ASS1: variants seen among roughly 807,000 people sequenced by gnomAD.
ASS1 encodes argininosuccinate synthase 1, also known as argininosuccinate synthase.
ASS1 carries 58 observed loss-of-function variants against 60.5 expected under a neutral mutation model. That is an observed-to-expected ratio of 0.96 (90% confidence interval 0.78 to 1.19). ASS1 has a LOEUF of 1.19. ASS1 is among the 50% of genes most tolerant of loss of function. The probability of loss-of-function intolerance (pLI) is 0.00; values close to 1 mark genes in which losing one functional copy is unlikely to be tolerated. For missense variants in ASS1, 454 were observed against 547.3 expected, an observed-to-expected ratio of 0.83 and a Z score of 1.70; for synonymous variants, 200 against 206.9, an observed-to-expected ratio of 0.97 and a Z score of 0.29.
At chr9:130,475,970 G>C (rs1326367167) in intron 8 of ASS1, among the ~76,000 whole-genome samples, 1 of 152,138 alleles carries the variant, frequency 6.6e-6, no homozygotes, top group Non-Finnish European at 1.5e-5. Context: ...CGTTGCCCAG[G>C]CTGGTGTCGA....
At chr9:130,500,611 C>G (rs971458934) in intron 14 of ASS1, among the ~76,000 whole-genome samples, 3 of 152,072 alleles carry the variant, frequency 2.0e-5, no homozygotes, top group Admixed American at 2.0e-4. Context: ...CCTTCCCCTC[C>G]GTCACCTCCA....
At chr9:130,453,228 C>T (rs1028766822) in intron 2 of ASS1, among the ~76,000 whole-genome samples, 11 of 152,206 alleles carry the variant, frequency 7.2e-5, no homozygotes, top group Admixed American at 1.3e-4. Flanking sequence ...TCATGGGGTG[C>T]GAGGCTTGGG....
chr9:130,489,594 T>A lies in ASS1; in HGVS notation c.970+130T>A. ...CCCCTGCCGCCCACTGCCATCCTCA[T>A]GTGAGACCCCAAAAGGTGCAGGCCA... On this transcript the variant is annotated intron_variant, in intron 12 of 14. Coordinates refer to ENST00000352480, the MANE Select transcript of ASS1 (RefSeq NM_054012.4). The surrounding 1 kb of genome is among the most constrained non-coding windows in gnomAD (Gnocchi z 4.1). The A allele has an allele frequency of 6.8e-7, 1 of 1,470,440 alleles. No homozygotes were observed. The highest frequency in any genetic ancestry group is 9.4e-7 in the Non-Finnish European group (1 of 1,061,190). 91.1% of individuals were successfully genotyped at this position (1,470,440 alleles called of 1,614,324 possible). A position where few individuals can be genotyped will look rare whatever the true frequency, so the allele number is the denominator to read the frequency against.
intron 1 of ASS1, 51 bp downstream of exon 1, chr9:130,445,046 C>A (rs1283244535): frequency 4.6e-6 from 3 of 653,344 alleles, no homozygotes; most frequent in East Asian, 2.7e-4. Flanking sequence ...CGAGAGCACC[C>A]GCTTCCCGGG....
Position 130,494,744 on chromosome 9 carries a change from G to A in ASS1, c.971-123G>A, listed in dbSNP as rs565702170. On this transcript the variant is annotated intron_variant, in intron 12 of 14. Transcript: ENST00000352480. The surrounding 1 kb of genome is among the most constrained non-coding windows in gnomAD (Gnocchi z 4.3). ...CAAGCGCACATTGTGCCAGTCTCGC[G>A]GGAGGCAGTCATGGTCTGCATGGCG... The A allele has an allele frequency of 6.0e-5, 78 of 1,289,516 alleles. No individual in the cohort carries two copies. The highest frequency in any genetic ancestry group is 2.2e-4 in the Admixed American group (12 of 55,190). The allele number at this position is 1,289,516 out of a possible 1,614,324, so 79.9% of individuals were successfully genotyped here.
In ASS1 at chr9:130,459,764, T is replaced by G. The variant is rs1030688389; in HGVS notation, c.363+1175T>G. ...CTTGGTTATTTCTGTTAAGACCACA[T>G]GAGGCCACATTCGGAGGGACTGGGG... On this transcript the variant is annotated intron_variant, in intron 4 of 14. Coordinates refer to ENST00000352480, the MANE Select transcript of ASS1 (RefSeq NM_054012.4). The surrounding 1 kb of genome is among the most constrained non-coding windows in gnomAD (Gnocchi z 4.6). Among the ~76,000 whole-genome samples, 3 of 152,208 alleles carry G rather than the reference T, an allele frequency of 2.0e-5. No homozygotes were observed. The highest frequency in any genetic ancestry group is 1.5e-5 in the Non-Finnish European group (1 of 68,038).
In ASS1 at chr9:130,452,331, C is replaced by T. The variant is rs532327473; in HGVS notation, c.103C>T (p.Leu35=). Residue 35 remains leucine, a splice_region_variant and synonymous_variant, in exon 2 of 15, where the codon CTG becomes TTG. Transcript: ENST00000352480. ...ACAAGGCTATGACGTCATTGCCTAT[C>T]TGGTGAGGGAGCGACCTGGGTGTCT... ...KEQGYDVIAY[L]ANIGQKEDFE... 1 of 1,613,590 alleles carries T rather than the reference C, an allele frequency of 6.2e-7. No homozygotes were observed. Among genetic ancestry groups the T allele is most frequent in the African/African-American group, 1.3e-5 (1 of 75,034 alleles).
intron 4 of ASS1, among the ~76,000 whole-genome samples, chr9:130,461,333 C>G (rs533482212): frequency 2.6e-5 from 4 of 152,340 alleles, no homozygotes; most frequent in Admixed American, 6.5e-5. Context: ...CGCCCCTCCT[C>G]CATGTGGCCA....
In ASS1 at chr9:130,459,138, A is replaced by G. The variant is rs959180996; in HGVS notation, c.363+549A>G. On this transcript the variant is annotated intron_variant, in intron 4 of 14. Coordinates refer to ENST00000352480, the MANE Select transcript of ASS1 (RefSeq NM_054012.4). The surrounding 1 kb of genome is among the most constrained non-coding windows in gnomAD (Gnocchi z 4.6). The stretch of plus-strand genomic sequence containing the variant: ...TTAGAACACAGAACTGTTCTGCCTC[A>G]TGGTTCTGGAGGCCTGAGGTCCATA... Among the ~76,000 whole-genome samples the G allele has an allele frequency of 6.6e-6, 1 of 152,122 alleles. No individual in the cohort carries two copies.
intron 9 of ASS1, 140 bp from the exon 10 acceptor site, chr9:130,479,576 C>A: frequency 1.3e-6 from 1 of 744,342 alleles, no homozygotes. Flanking sequence ...CTGCACAGGG[C>A]TTTTGAAGGA....
At chr9:130,448,422 G>GCC (rs71387350) in intron 1 of ASS1, among the ~76,000 whole-genome samples, 1 of 143,296 alleles carries the variant, frequency 7.0e-6, no homozygotes, top group African/African-American at 2.8e-5. Context: ...GTGTGCGCGC[G>GCC]CACACACACA....
At chr9:130,479,938 G>A (rs556581087) in intron 10 of ASS1, 138 bp downstream of exon 10, 7 of 1,031,154 alleles carry the variant, frequency 6.8e-6, no homozygotes, top group Admixed American at 3.4e-5. Flanking sequence ...CATAGCCACA[G>A]AGTTTCCCGG....
chr9:130,476,790 T>A lies in ASS1; in HGVS notation c.598-81T>A. ...TGGGGAAATGGACAGAGGAGAGGGGTGCAGATCCCCGCGGGAGGTGGGCTG... is the reference window on the plus strand; with the variant it reads ...TGGGGAAATGGACAGAGGAGAGGGGAGCAGATCCCCGCGGGAGGTGGGCTG... On this transcript the variant is annotated intron_variant, in intron 8 of 14. Coordinates refer to ENST00000352480, the MANE Select transcript of ASS1 (RefSeq NM_054012.4). This position sits in a 1 kb window ranked among gnomAD's most constrained non-coding sequence, Gnocchi z 4.9. 1 of 1,309,974 alleles carries A rather than the reference T, an allele frequency of 7.6e-7. No individual in the cohort carries two copies. The highest frequency in any genetic ancestry group is 1.2e-5 in the South Asian group (1 of 84,954). 81.1% of individuals were successfully genotyped at this position (1,309,974 alleles called of 1,614,324 possible).
At chr9:130,463,119 G>A (rs945086799) in intron 4 of ASS1, among the ~76,000 whole-genome samples, 22 of 152,256 alleles carry the variant, frequency 1.4e-4, no homozygotes, top group African/African-American at 2.2e-4. Context: ...GCCACCTGAC[G>A]AGAGTCTGGA....
rs543607439 is a variant in ASS1 at position 130,463,374 on chromosome 9, G to A, written c.364-737G>A. ...GACGGTGGTCCCGGCTATGTCGGGG[G>A]TAACGTTCACAGCTCAGTGGGGTGT... is the stretch of plus-strand genomic sequence containing the variant. On this transcript the variant is annotated intron_variant, in intron 4 of 14. Transcript: ENST00000352480. Among the ~76,000 whole-genome samples, 13 of 152,012 alleles carry A rather than the reference G, an allele frequency of 8.6e-5. 1 individual carries two copies. The highest frequency in any genetic ancestry group is 7.2e-4 in the Admixed American group (11 of 15,276).
chr9:130,450,784 C>T lies in ASS1; in HGVS notation c.-5-1440C>T, dbSNP rs145435876. 4.0e-3 allele frequency among the ~76,000 whole-genome samples: 614 copies of T among 152,372 alleles called. 2 individuals carry two copies. Among genetic ancestry groups the T allele is most frequent in the African/African-American group, 0.014 (588 of 41,580 alleles). ...AGAGTGCTCAGGATAGCGATGCCTG[C>T]ATCACTGCAATGGTGATGGCCGGGT... On this transcript the variant is annotated intron_variant, in intron 1 of 14. Transcript: ENST00000352480.
In ASS1 at chr9:130,494,945, A is replaced by T; in HGVS notation, c.1049A>T (p.Gln350Leu). 1.2e-6 allele frequency: 2 copies of T among 1,613,640 alleles called. No individual in the cohort carries two copies. The highest frequency in any genetic ancestry group is 1.7e-6 in the Non-Finnish European group (2 of 1,179,974). ...KSQERVEGKV[Q>L]VSVLKGQVYI... ...CAGGAGCGAGTGGAAGGGAAAGTGC[A>T]GGTGTCCGTCCTCAAGGGCCAGGTG... The change falls in exon 13 of 15, where the codon CAG becomes CTG. Residue 350 changes from glutamine (Q) to leucine (L), a missense_variant. By Grantham distance (113) the Gln-to-Leu change is moderately radical. Transcript: ENST00000352480. This position sits in a 1 kb window ranked among gnomAD's most constrained non-coding sequence, Gnocchi z 4.3.
intron 4 of ASS1, among the ~76,000 whole-genome samples, chr9:130,463,265 C>T (rs536479902): frequency 3.3e-5 from 5 of 152,362 alleles, no homozygotes; most frequent in South Asian, 2.1e-4. Context: ...AGGAGACGTG[C>T]GCGGCCATTT....
intron 8 of ASS1, among the ~76,000 whole-genome samples, chr9:130,475,720 A>G (rs1410216158): frequency 2.7e-5 from 4 of 146,038 alleles, no homozygotes. Flanking sequence ...ATGGGAAGCA[A>G]TACGTGAATG....
Sources: allele counts gnomAD v4.1 joint callset (sites outside exome capture counted in the v4.1 genomes callset), GRCh38; gene constraint gnomAD v4.1.1; non-coding constraint Gnocchi (gnomAD v3.1); transcripts MANE v1.5; gene names NCBI Gene and HGNC (gene_info 2026-07-23, HGNC 2026-07-21).